CREB5: variants seen among roughly 807,000 people sequenced by gnomAD.
The protein encoded by CREB5 is cAMP responsive element binding protein 5, also known as cyclic AMP-responsive element-binding protein 5.
In CREB5, 19 loss-of-function variants were observed where a neutral mutation model predicts 57.1. The ratio of observed to expected loss-of-function variants is 0.33; its 90% CI spans 0.23 to 0.49. The LOEUF (loss-of-function observed/expected upper bound fraction) is 0.49. Ranked by LOEUF, CREB5 falls within the 20% of genes least tolerant of loss-of-function variation. The pLI is 0.99. For missense variants in CREB5, 579 were observed against 671.6 expected (o/e 0.86, Z 1.52); for synonymous variants, 238 against 238.3 (o/e 1.00, Z 0.01).
chr7:28,353,340 G>A (rs1401092486), intron 1 of CREB5, among the ~76,000 whole-genome samples: 1 of 152,110 alleles, frequency 6.6e-6, no homozygotes, highest in Admixed American at 6.5e-5. Flanking sequence ...TCCTGTCCTA[G>A]ATCCCATACT....
intron 7 of CREB5, among the ~76,000 whole-genome samples, chr7:28,795,723 T>G (rs1020507281): frequency 6.6e-6 from 1 of 151,646 alleles, no homozygotes; most frequent in South Asian, 2.1e-4. Context: ...TGAGGTAGAA[T>G]CCACATAAAA....
chr7:28,802,553 C>A (rs1808436269), intron 7 of CREB5, among the ~76,000 whole-genome samples: 1 of 152,222 alleles, frequency 6.6e-6, no homozygotes, highest in Admixed American at 6.5e-5. Context: ...AACTTGCAGT[C>A]CCCTGGTAAA....
chr7:28,715,792 A>G (rs1294013508), intron 5 of CREB5, among the ~76,000 whole-genome samples: 1 of 152,204 alleles, frequency 6.6e-6, no homozygotes, highest in East Asian at 1.9e-4. Context: ...TTCAGAATCC[A>G]AACATATAGG....
intron 1 of CREB5, among the ~76,000 whole-genome samples, chr7:28,332,679 A>G (rs765818334): frequency 6.6e-6 from 1 of 152,232 alleles, no homozygotes; most frequent in Non-Finnish European, 1.5e-5. Context: ...ATGTTAAAAT[A>G]TATAAACCCA....
At position 28,804,535 on chromosome 7, in the gene CREB5, C is replaced by T. The variant is rs549313509; in HGVS notation, c.1026+13C>T. ...CAACCAAGCACAGGTAGACCTTTTC[C>T]GTGATCTCTTTCCCCTTCTTATTCT... is the stretch of plus-strand genomic sequence containing the variant. On this transcript the variant is annotated intron_variant, in intron 8 of 10. Transcript: ENST00000357727. The T allele has an allele frequency of 2.2e-5, 35 of 1,610,950 alleles. No homozygotes were observed. Among genetic ancestry groups the T allele is most frequent in the East Asian group, 1.6e-4 (7 of 44,790 alleles).
intron 7 of CREB5, among the ~76,000 whole-genome samples, chr7:28,750,068 A>G (rs1165400969): frequency 1.3e-5 from 2 of 152,246 alleles, no homozygotes; most frequent in African/African-American, 4.8e-5. Flanking sequence ...GGTCACAGCA[A>G]TAGACAACAT....
At chr7:28,741,377 C>T (rs1804332004) in intron 7 of CREB5, among the ~76,000 whole-genome samples, 1 of 151,186 alleles carries the variant, frequency 6.6e-6, no homozygotes, top group Non-Finnish European at 1.5e-5. Context: ...TCCACCCCAG[C>T]CACCCCCACC....
At chr7:28,459,970 G>A (rs574239328) in intron 1 of CREB5, among the ~76,000 whole-genome samples, 5 of 152,288 alleles carry the variant, frequency 3.3e-5, no homozygotes, top group African/African-American at 7.2e-5. Flanking sequence ...ACTTTGAGGC[G>A]AATGATTTTC....
chr7:28,783,728 T>C (rs906454302), intron 7 of CREB5, among the ~76,000 whole-genome samples: 2 of 152,140 alleles, frequency 1.3e-5, no homozygotes, highest in African/African-American at 4.8e-5. Context: ...CTACCATACC[T>C]GGCTCACTGG....
intron 5 of CREB5, among the ~76,000 whole-genome samples, chr7:28,607,778 TGTGTGTGTGTGTGTG>T (rs1428398508): frequency 2.0e-5 from 3 of 149,058 alleles, no homozygotes; most frequent in African/African-American, 4.9e-5. Context: ...TGTGTGTGTG[TGTGTGTGTGTGTGTG>T]TTTTACCATG....
At chr7:28,804,659 C>T (rs962566289) in intron 8 of CREB5, 137 bp downstream of exon 8, 4 of 1,107,930 alleles carry the variant, frequency 3.6e-6, no homozygotes, top group Admixed American at 2.0e-5. Flanking sequence ...CTCTGTTTAT[C>T]TCCTAGGAGG....
chr7:28,560,869 C>CGTGTGTGTGTGCGT (rs1554344338), intron 4 of CREB5, among the ~76,000 whole-genome samples: 1 of 28,604 alleles, frequency 3.5e-5, no homozygotes, highest in Non-Finnish European at 6.1e-5. Context: ...CGTGTGCCTG[C>CGTGTGTGTGTGCGT]GTGCGCGTGC....
chr7:28,525,138 T>C (rs56108573), intron 4 of CREB5, among the ~76,000 whole-genome samples: 10,513 of 152,264 alleles, frequency 0.069, 442 homozygotes, highest in Non-Finnish European at 0.094. Context: ...GTTCCATCCA[T>C]GTTGCTGTAA....
chr7:28,752,891 G>T (rs1049739360), intron 7 of CREB5, among the ~76,000 whole-genome samples: 3 of 150,500 alleles, frequency 2.0e-5, no homozygotes, highest in Non-Finnish European at 4.4e-5. Context: ...TTTCTAAAGG[G>T]ATTTTTTTTT....
chr7:28,643,362 A>G (rs1278731302), intron 5 of CREB5, among the ~76,000 whole-genome samples: 1 of 152,124 alleles, frequency 6.6e-6, no homozygotes, highest in Admixed American at 6.6e-5. Flanking sequence ...TCAAATTTCT[A>G]GGTGTCTGTA....
chr7:28,698,192 T>C (rs1801669453), intron 5 of CREB5, among the ~76,000 whole-genome samples: 1 of 152,078 alleles, frequency 6.6e-6, no homozygotes, highest in South Asian at 2.1e-4. Context: ...TTGAGACATT[T>C]TTACCGAACG....
intron 5 of CREB5, among the ~76,000 whole-genome samples, chr7:28,611,165 T>C (rs977348104): frequency 4.6e-5 from 7 of 152,090 alleles, no homozygotes; most frequent in African/African-American, 7.2e-5. Context: ...AGGTCATACA[T>C]TGGGACAAAA....
intron 5 of CREB5, among the ~76,000 whole-genome samples, chr7:28,575,070 T>G (rs1226838583): frequency 6.6e-6 from 1 of 152,240 alleles, no homozygotes; most frequent in Non-Finnish European, 1.5e-5. Context: ...TCTGTGCCTC[T>G]TTATCCCTTT....
intron 7 of CREB5, among the ~76,000 whole-genome samples, chr7:28,770,926 T>C (rs928313544): frequency 1.3e-5 from 2 of 152,164 alleles, no homozygotes; most frequent in African/African-American, 4.8e-5. Flanking sequence ...GTTCTCATCA[T>C]AAAACAAAAC....
Sources: allele counts gnomAD v4.1 joint callset (sites outside exome capture counted in the v4.1 genomes callset), GRCh38; gene constraint gnomAD v4.1.1; transcripts MANE v1.5; gene names NCBI Gene and HGNC (gene_info 2026-07-23, HGNC 2026-07-21).